FOXP2: variants seen among roughly 807,000 people sequenced by gnomAD.
The protein encoded by FOXP2 is forkhead box protein P2.
A neutral mutation model predicts 115.8 loss-of-function variants in FOXP2; 12 were observed. The ratio of observed to expected loss-of-function variants is 0.10; its 90% CI spans 0.07 to 0.17. The LOEUF is 0.17. Ranked by LOEUF, FOXP2 falls within the 10% of genes least tolerant of loss-of-function variation. FOXP2 has a pLI of 1.00. For synonymous variants in FOXP2, 328 were observed against 297.7 expected, an observed-to-expected ratio of 1.10 and a Z score of -1.05; for missense variants, 629 against 843.5, an observed-to-expected ratio of 0.75 and a Z score of 3.15.
intron 13 of FOXP2, 89 bp from the exon 14 acceptor site, chr7:114,661,976 A>T: frequency 2.6e-6 from 4 of 1,512,582 alleles, no homozygotes; most frequent in Middle Eastern, 1.7e-4. Flanking sequence ...TTTCACTCTG[A>T]TTAAGTAAGA....
At chr7:114,327,148 T>G (rs1359700776) in intron 2 of FOXP2, among the ~76,000 whole-genome samples, 1 of 152,204 alleles carries the variant, frequency 6.6e-6, no homozygotes, top group African/African-American at 2.4e-5. Flanking sequence ...TGATCACAGT[T>G]TGCTATTATA....
intron 2 of FOXP2, among the ~76,000 whole-genome samples, chr7:114,519,800 T>C (rs140761556): frequency 1.3e-5 from 2 of 152,242 alleles, no homozygotes; most frequent in African/African-American, 4.8e-5. Context: ...CAGTGGCCAT[T>C]TGGGATTTCT....
upstream of FOXP2, among the ~76,000 whole-genome samples, chr7:114,413,751 T>A (rs1173755063): frequency 1.3e-5 from 2 of 152,130 alleles, no homozygotes; most frequent in African/African-American, 2.4e-5. Context: ...CTCTTCTGTT[T>A]AGTATTTAAA....
At chr7:114,446,077 AG>A (rs1794825158) in intron 2 of FOXP2, among the ~76,000 whole-genome samples, 1 of 124,754 alleles carries the variant, frequency 8.0e-6, no homozygotes, top group Non-Finnish European at 1.9e-5. Context: ...AGATATCATA[AG>A]TCTGATATTT....
chr7:114,372,725 TTTTTG>T lies in FOXP2; in HGVS notation c.-10-53758_-10-53754del, dbSNP rs952725728. Among the ~76,000 whole-genome samples the T allele has an allele frequency of 6.6e-5, 10 of 152,210 alleles. No individual in the cohort carries two copies. The South Asian group carries it at 1.7e-3, about 25-fold the overall frequency. Reference sequence around the variant, plus strand: ...TCACTGTTAGGGTTTTTTTTTGGTTTTTTTGTTTTGTTTTGTTTTGTTTCCCCACG... The same window carrying T: ...TCACTGTTAGGGTTTTTTTTTGGTTTTTTTGTTTTGTTTTGTTTCCCCACG... On this transcript the variant is annotated intron_variant, in intron 2 of 17. Transcript: ENST00000634411.
chr7:114,114,953 G>A (rs929046888), intron 1 of FOXP2, among the ~76,000 whole-genome samples: 7 of 152,156 alleles, frequency 4.6e-5, no homozygotes, highest in African/African-American at 7.2e-5. Flanking sequence ...ATTTGAAAAC[G>A]TTTGTGTAAA....
intron 1 of FOXP2, among the ~76,000 whole-genome samples, chr7:114,260,844 T>TAA (rs573172929): frequency 3.4e-5 from 5 of 148,120 alleles, no homozygotes; most frequent in African/African-American, 1.2e-4. Flanking sequence ...GTAATGGCAT[T>TAA]AAAAAAAAAA....
intron 2 of FOXP2, among the ~76,000 whole-genome samples, chr7:114,331,289 T>C (rs1471050111): frequency 1.2e-4 from 19 of 152,214 alleles, no homozygotes; most frequent in African/African-American, 4.6e-4. Context: ...TTATAAAGAA[T>C]TTTAAAATTC....
At chr7:114,095,189 A>G (rs1044584125) in intron 1 of FOXP2, among the ~76,000 whole-genome samples, 1 of 152,196 alleles carries the variant, frequency 6.6e-6, no homozygotes, top group African/African-American at 2.4e-5. Context: ...ATACCTGTCT[A>G]TAACTATTGC....
intron 2 of FOXP2, among the ~76,000 whole-genome samples, chr7:114,354,007 T>A (rs1791557231): frequency 1.3e-5 from 2 of 152,140 alleles, no homozygotes; most frequent in Non-Finnish European, 2.9e-5. Flanking sequence ...GCAAGGGTGT[T>A]TCTGGAGAAG....
intron 2 of FOXP2, among the ~76,000 whole-genome samples, chr7:114,338,269 G>C (rs1447330366): frequency 6.6e-6 from 1 of 150,812 alleles, no homozygotes; most frequent in African/African-American, 2.4e-5. Context: ...AGATTACTTA[G>C]TTTTTATAAA....
chr7:114,414,008 C>T (rs140246510), upstream of FOXP2, among the ~76,000 whole-genome samples: 4 of 152,208 alleles, frequency 2.6e-5, no homozygotes, highest in East Asian at 7.8e-4. Flanking sequence ...AAGACAGTGT[C>T]GTTCCTGTCT....
chr7:114,190,119 T>C (rs1793717802), intron 1 of FOXP2, among the ~76,000 whole-genome samples: 1 of 152,232 alleles, frequency 6.6e-6, no homozygotes, highest in Non-Finnish European at 1.5e-5. Context: ...TCTTTCTATC[T>C]TTCTCACTGA....
At position 114,337,526 on chromosome 7, in the gene FOXP2, A is replaced by T. The variant is rs1562876884; in HGVS notation, c.-11+49417A>T. ...ATGTATTATAACTAAATTTAAAACA[A>T]AGAGGAGAGTGGTTCTTATTTTTAT... On this transcript the variant is annotated intron_variant, in intron 2 of 17. Transcript: ENST00000634411. 3.3e-5 allele frequency among the ~76,000 whole-genome samples: 5 copies of T among 151,242 alleles called. No homozygotes were observed. In the East Asian group the frequency reaches 7.7e-4, roughly 23 times the overall value.
chr7:114,488,728 TA>T (rs1796905504), intron 2 of FOXP2, among the ~76,000 whole-genome samples: 1 of 152,156 alleles, frequency 6.6e-6, no homozygotes, highest in African/African-American at 2.4e-5. Flanking sequence ...TTGGCCTAAC[TA>T]AAGAAATTTA....
chr7:114,306,446 A>G (rs1797015786), intron 2 of FOXP2, among the ~76,000 whole-genome samples: 1 of 152,182 alleles, frequency 6.6e-6, no homozygotes, highest in Non-Finnish European at 1.5e-5. Flanking sequence ...CCCAGATATA[A>G]TACCTTATCC....
At chr7:114,122,474 A>G (rs1791592733) in intron 1 of FOXP2, among the ~76,000 whole-genome samples, 1 of 144,044 alleles carries the variant, frequency 6.9e-6, no homozygotes, top group African/African-American at 2.6e-5. Context: ...TTCATGTTGT[A>G]CTGCGTAGGA....
At chr7:114,189,224 T>A (rs1793692364) in intron 1 of FOXP2, among the ~76,000 whole-genome samples, 1 of 152,194 alleles carries the variant, frequency 6.6e-6, no homozygotes, top group African/African-American at 2.4e-5. Context: ...TGTACATAGA[T>A]TTAACTACTT....
intron 2 of FOXP2, among the ~76,000 whole-genome samples, chr7:114,441,351 G>C (rs529892523): frequency 3.5e-4 from 53 of 152,144 alleles, no homozygotes; most frequent in African/African-American, 1.2e-3. Flanking sequence ...ACTTGGGGAG[G>C]CTGAGGCAGC....
Sources: gnomAD v4.1 joint callset for allele counts (sites outside exome capture counted in the v4.1 genomes callset) on GRCh38, gnomAD v4.1.1 for gene constraint, MANE v1.5 for transcripts, NCBI Gene and HGNC (gene_info 2026-07-23, HGNC 2026-07-21) for gene names.